The following KIF7 variants were observed in gnomAD, a reference collection of about 807,000 sequenced individuals.
KIF7 encodes the protein kinesin family member 7.
In KIF7, 104 loss-of-function variants were observed where a neutral mutation model predicts 135.7. The ratio of observed to expected loss-of-function variants is 0.77; its 90% CI spans 0.65 to 0.90. KIF7 has a LOEUF of 0.90. Ranked by LOEUF, KIF7 falls within the 40% of genes least tolerant of loss-of-function variation. The pLI is 0.00. For synonymous variants in KIF7, 883 were observed against 809.4 expected, an observed-to-expected ratio of 1.09 and a Z score of -1.54; for missense variants, 2,005 against 1,839.1, an observed-to-expected ratio of 1.09 and a Z score of -1.65.
In KIF7 at chr15:89,648,496, G is replaced by C. The variant is rs1189578884; in HGVS notation, c.1202C>G (p.Ala401Gly). 9.6e-7 allele frequency: 1 copy of C among 1,042,430 alleles called. No homozygotes were observed. Among genetic ancestry groups the C allele is most frequent in the African/African-American group, 1.7e-5 (1 of 57,590 alleles). 64.6% of individuals were successfully genotyped at this position (1,042,430 alleles called of 1,614,324 possible). A position where few individuals can be genotyped will look rare whatever the true frequency, so the allele number is the denominator to read the frequency against. Residue 401 changes from alanine to glycine, a missense_variant, in exon 5 of 19, where the codon GCC becomes GGC. By Grantham distance (60) the Ala-to-Gly change is moderately conservative (BLOSUM62 0). Transcript: ENST00000394412. ...GCACTCGGCGCCCAGGCGCATGGCG[G>C]CCGCCGCGGAGGCGGTGGCTGGGCC... ...APGPATASAA[A>G]AMRLGAECAR...
Position 89,647,619 on chromosome 15 carries a change from C to T in KIF7, c.1537G>A (p.Ala513Thr), listed in dbSNP as rs1964038681. The change falls in exon 6 of 19, where the codon GCC (alanine) becomes ACC (threonine). Residue 513 changes from alanine (A) to threonine (T), a missense_variant. Ala to Thr is a moderately conservative substitution (Grantham distance 58). Coordinates refer to ENST00000394412, the MANE Select transcript of KIF7 (RefSeq NM_198525.3). ...NRDFLAALED[A>T]MEQYKLQSDR... ...ACCTGCAGTTTGTACTGCTCCATGG[C>T]GTCCTCCAGCGCAGCCAGAAAGTCT... The T allele has an allele frequency of 6.2e-7, 1 of 1,611,854 alleles. No individual in the cohort carries two copies. The highest frequency in any genetic ancestry group is 8.5e-7 in the Non-Finnish European group (1 of 1,179,968).
downstream of KIF7, chr15:89,624,322 C>G (rs200081503): frequency 1.4e-4 from 231 of 1,614,202 alleles, 1 homozygote; most frequent in South Asian, 2.1e-4. Flanking sequence ...CCCAGGAGAA[C>G]TGGATCAGAA....
At chr15:89,657,553 C>A (rs1453074423), upstream of KIF7, among the ~76,000 whole-genome samples, 1 of 151,994 alleles carries the variant, frequency 6.6e-6, no homozygotes, top group African/African-American at 2.4e-5. Flanking sequence ...TGGTGTGTAC[C>A]CGAGTGTCCA....
downstream of KIF7, chr15:89,625,568 G>A (rs572935730): frequency 6.2e-7 from 1 of 1,613,086 alleles, no homozygotes; most frequent in African/African-American, 1.3e-5. Context: ...TCGCCTCCCA[G>A]GAACAGCATG....
In KIF7 at chr15:89,645,375, A is replaced by G; in HGVS notation, c.1999T>C (p.Cys667Arg). Residue 667 changes from cysteine (C) to arginine (R), a missense_variant, in exon 9 of 19, where the codon TGC (cysteine) becomes CGC (arginine). Cys to Arg is a radical substitution (Grantham distance 180). Coordinates refer to ENST00000394412, the MANE Select transcript of KIF7 (RefSeq NM_198525.3). ...ATGGCTGCATCCAACTCCTCAAGGCAAAGCTCTGGGCCCTTCCTCTCTGGC... is the reference window on the plus strand; with the variant it reads ...ATGGCTGCATCCAACTCCTCAAGGCGAAGCTCTGGGCCCTTCCTCTCTGGC... ...SLPERKGPEL[C>R]LEELDAAIPG... 1.2e-6 allele frequency: 2 copies of G among 1,614,112 alleles called. No homozygotes were observed. The highest frequency in any genetic ancestry group is 1.7e-6 in the Non-Finnish European group (2 of 1,179,970).
intron 11 of KIF7, among the ~76,000 whole-genome samples, chr15:89,637,525 G>A (rs1199591610): frequency 6.6e-6 from 1 of 152,100 alleles, no homozygotes; most frequent in Non-Finnish European, 1.5e-5. Context: ...ACTACCATCA[G>A]AGAATACTAC....
rs1963592470 is a variant in KIF7, at chr15:89,628,689, G to T, written c.3762C>A (p.Leu1254=). 6.2e-7 allele frequency: 1 copy of T among 1,612,906 alleles called. No homozygotes were observed. Among genetic ancestry groups the T allele is most frequent in the African/African-American group, 1.3e-5 (1 of 74,922 alleles). ...CCCGGGTGCGGGGGGCCCCCTCAGT[G>T]AGGGGGGACAGCCAGAGAAGCTCGG... ...LAPELLWLSP[L]TEGAPRTREE... Residue 1254 remains leucine, a synonymous_variant, in exon 19 of 19, where the codon CTC becomes CTA. Transcript: ENST00000394412.
intron 11 of KIF7, among the ~76,000 whole-genome samples, chr15:89,640,526 A>G (rs1208478923): frequency 6.6e-6 from 1 of 152,168 alleles, no homozygotes; most frequent in Admixed American, 6.5e-5. Context: ...CTGGGATTCA[A>G]ACCTGAGCAG....
upstream of KIF7, among the ~76,000 whole-genome samples, chr15:89,659,225 G>A (rs1471783112): frequency 6.6e-6 from 1 of 152,052 alleles, no homozygotes; most frequent in African/African-American, 2.4e-5. Context: ...ATATAAAGAA[G>A]TTCTAAAAAT....
chr15:89,630,497 C>T lies in KIF7; in HGVS notation c.3112-4G>A, dbSNP rs1411133526. The T allele has an allele frequency of 3.3e-6, 5 of 1,500,696 alleles. No homozygotes were observed. Among genetic ancestry groups the T allele is most frequent in the African/African-American group, 3.4e-5 (2 of 58,428 alleles). 93.0% of individuals were successfully genotyped at this position (1,500,696 alleles called of 1,614,324 possible). A position where few individuals can be genotyped will look rare whatever the true frequency, so the allele number is the denominator to read the frequency against. ...ACTGGAACAGCGTCCGCTCCTCCTG[C>T]AGAGACGGGCACGCGTGGAGGAACA... On this transcript the variant is annotated splice_region_variant and splice_polypyrimidine_tract_variant and intron_variant, in intron 15 of 18. Coordinates refer to ENST00000394412, the MANE Select transcript of KIF7 (RefSeq NM_198525.3).
At chr15:89,639,257 A>G (rs1963871586) in intron 11 of KIF7, among the ~76,000 whole-genome samples, 1 of 152,226 alleles carries the variant, frequency 6.6e-6, no homozygotes, top group African/African-American at 2.4e-5. Context: ...TAAAACACCA[A>G]ACGCAATGGC....
downstream of KIF7, chr15:89,624,844 T>C: frequency 2.5e-6 from 4 of 1,614,126 alleles, no homozygotes; most frequent in Non-Finnish European, 3.4e-6. Context: ...ATCTCCTCCT[T>C]CCTGTGGGCC....
chr15:89,649,798 C>T lies in KIF7; in HGVS notation c.472G>A (p.Glu158Lys), dbSNP rs1322167851. 9 of 1,551,816 alleles carry T rather than the reference C, an allele frequency of 5.8e-6. No homozygotes were observed. The highest frequency in any genetic ancestry group is 4.9e-5 in the East Asian group (2 of 40,928). ...VYKEEFRDLL[E>K]VGTASRDIQL... ...ATGTCACGGCTGGCAGTGCCCACCT[C>T]GAGCAGGTCTCGGAACTCCTCCTTG... The change falls in exon 3 of 19, where the codon GAG becomes AAG. Residue 158 changes from glutamate (E) to lysine (K), a missense_variant. Transcript: ENST00000394412.
chr15:89,628,928 C>T, intron 18 of KIF7, 48 bp downstream of exon 18: 2 of 1,613,776 alleles, frequency 1.2e-6, no homozygotes, highest in African/African-American at 2.7e-5. Context: ...CTAAGCTTTC[C>T]CCAAAGAAAG....
intron 8 of KIF7, 42 bp from the exon 9 acceptor site, chr15:89,645,493 T>G: frequency 6.7e-7 from 1 of 1,500,156 alleles, no homozygotes; most frequent in Non-Finnish European, 9.2e-7. Context: ...CCCCAGCCCC[T>G]GCCCCAGCCT....
chr15:89,627,050 G>A (rs1272724963), downstream of KIF7: 1 of 1,614,148 alleles, frequency 6.2e-7, no homozygotes, highest in Non-Finnish European at 8.5e-7. Flanking sequence ...CTTATACACG[G>A]AAGAAGCTCA....
chr15:89,642,753 G>A (rs1333162760), intron 10 of KIF7, among the ~76,000 whole-genome samples: 1 of 152,056 alleles, frequency 6.6e-6, no homozygotes, highest in Non-Finnish European at 1.5e-5. Flanking sequence ...ATTTTTAGTA[G>A]AGATTGGGTT....
intron 11 of KIF7, among the ~76,000 whole-genome samples, chr15:89,634,451 C>T (rs974072622): frequency 1.3e-5 from 2 of 152,132 alleles, no homozygotes; most frequent in Admixed American, 6.5e-5. Flanking sequence ...AGACAGTGGG[C>T]GCAGGTCAGT....
intron 10 of KIF7, 44 bp from the exon 11 acceptor site, chr15:89,642,449 C>T (rs893205743): frequency 3.3e-6 from 5 of 1,505,814 alleles, no homozygotes; most frequent in Non-Finnish European, 4.5e-6. Context: ...CCTGCTCCAC[C>T]GAGAGGGCCA....
Sources: gnomAD v4.1 joint callset for allele counts (sites outside exome capture counted in the v4.1 genomes callset) on GRCh38, gnomAD v4.1.1 for gene constraint, MANE v1.5 for transcripts, NCBI Gene and HGNC (gene_info 2026-07-23, HGNC 2026-07-21) for gene names.